SBF2: variants seen among roughly 807,000 people sequenced by gnomAD.
The protein encoded by SBF2 is SET binding factor 2, also known as myotubularin-related protein 13.
A neutral mutation model predicts 225.2 loss-of-function variants in SBF2; 112 were observed. That is an observed-to-expected ratio of 0.50 (90% confidence interval 0.43 to 0.58). The LOEUF (loss-of-function observed/expected upper bound fraction) is 0.58. SBF2 is among the 20% of genes least tolerant of loss of function. The probability of loss-of-function intolerance (pLI) is 0.00; values close to 1 mark genes in which losing one functional copy is unlikely to be tolerated. For missense variants in SBF2, 1,996 were observed against 2,206.2 expected (o/e 0.90, Z 1.91); for synonymous variants, 763 against 773.3 (o/e 0.99, Z 0.22).
intron 16 of SBF2, among the ~76,000 whole-genome samples, chr11:9,897,021 C>T (rs1490200548): frequency 6.6e-6 from 1 of 152,038 alleles, no homozygotes; most frequent in Non-Finnish European, 1.5e-5. Context: ...TGGGCATATA[C>T]CCAAAATAAT....
chr11:9,925,403 A>G (rs1590473728), intron 16 of SBF2, among the ~76,000 whole-genome samples: 1 of 152,114 alleles, frequency 6.6e-6, no homozygotes, highest in African/African-American at 2.4e-5. Flanking sequence ...TCAGCCTCCC[A>G]AGTAGCTGGG....
At chr11:9,791,005 C>T (rs1489838099) in intron 33 of SBF2, 1 of 202,838 alleles carries the variant, frequency 4.9e-6, no homozygotes, top group Non-Finnish European at 1.0e-5. Context: ...GCAGTCTACA[C>T]TTTTCAAGAG....
chr11:9,874,556 A>T (rs7929434), intron 17 of SBF2, among the ~76,000 whole-genome samples: 94,106 of 152,046 alleles, frequency 0.62, 29,366 homozygotes, highest in African/African-American at 0.68. Flanking sequence ...AAATTGTAGG[A>T]TGCCTCCATG....
intron 13 of SBF2, among the ~76,000 whole-genome samples, chr11:9,983,358 C>T: frequency 6.6e-6 from 1 of 152,104 alleles, no homozygotes; most frequent in Non-Finnish European, 1.5e-5. Context: ...GAGCCATAAT[C>T]TCCCTAGGTA....
At chr11:10,130,936 T>C (rs1046485351) in intron 2 of SBF2, among the ~76,000 whole-genome samples, 1 of 152,194 alleles carries the variant, frequency 6.6e-6, no homozygotes, top group Non-Finnish European at 1.5e-5. Context: ...TAATCACTCC[T>C]ACTATTGTAG....
At chr11:9,975,929 C>T (rs893493588) in intron 13 of SBF2, among the ~76,000 whole-genome samples, 6 of 152,038 alleles carry the variant, frequency 3.9e-5, no homozygotes, top group Admixed American at 6.6e-5. Flanking sequence ...ATGTAAAGGG[C>T]GTAGATTTTA....
At chr11:10,059,379 T>C (rs1366750627) in intron 2 of SBF2, among the ~76,000 whole-genome samples, 1 of 151,752 alleles carries the variant, frequency 6.6e-6, no homozygotes, top group Non-Finnish European at 1.5e-5. Flanking sequence ...ATAGAAAAAG[T>C]TTCAAACCAA....
rs1555006975 is a variant in SBF2 at position 10,063,858 on chromosome 11, C to CAG, written c.142-20879_142-20878dup. Among the ~76,000 whole-genome samples the CAG allele has an allele frequency of 1.3e-3, 179 of 136,218 alleles. 1 individual carries two copies. The highest frequency in any genetic ancestry group is 2.4e-3 in the East Asian group (11 of 4,524). 89.4% of individuals were successfully genotyped at this position (136,218 alleles called of 152,430 possible). A position where few individuals can be genotyped will look rare whatever the true frequency, so the allele number is the denominator to read the frequency against. ...ACACACACACACACACACACACACACAGAGAGAGAGAGAGAGAGAGAGAAA... is the reference window on the plus strand; with the variant it reads ...ACACACACACACACACACACACACACAGAGAGAGAGAGAGAGAGAGAGAGAAA... On this transcript the variant is annotated intron_variant, in intron 2 of 39. Coordinates refer to ENST00000256190, the MANE Select transcript of SBF2 (RefSeq NM_030962.4).
rs1958173085 is a variant in SBF2, at chr11:10,217,476, T to A, written c.56-23489A>T. On this transcript the variant is annotated intron_variant, in intron 1 of 39. Coordinates refer to ENST00000256190, the MANE Select transcript of SBF2 (RefSeq NM_030962.4). ...CAGTTACTAATGCTATATAACATGGTAGAAAATAAGTGGCAAATCTGTGAT... is the reference window on the plus strand; with the variant it reads ...CAGTTACTAATGCTATATAACATGGAAGAAAATAAGTGGCAAATCTGTGAT... Among the ~76,000 whole-genome samples, 3 of 152,312 alleles carry A rather than the reference T, an allele frequency of 2.0e-5. No individual in the cohort carries two copies. The South Asian group carries it at 6.2e-4, about 32-fold the overall frequency.
chr11:10,213,165 G>T (rs7930218), intron 1 of SBF2, among the ~76,000 whole-genome samples: 135,257 of 152,220 alleles, frequency 0.89, 60,239 homozygotes, highest in East Asian at 1. Context: ...AAGACAGCCA[G>T]TACAGTACTT....
chr11:10,154,396 A>G (rs1591081437), intron 2 of SBF2, among the ~76,000 whole-genome samples: 1 of 151,966 alleles, frequency 6.6e-6, no homozygotes, highest in South Asian at 2.1e-4. Flanking sequence ...TCTGGCCTAT[A>G]TTTTAGTTCA....
intron 3 of SBF2, among the ~76,000 whole-genome samples, chr11:10,034,397 G>A (rs907424840): frequency 2.0e-5 from 3 of 152,168 alleles, no homozygotes; most frequent in African/African-American, 7.2e-5. Context: ...GAGACAAAAA[G>A]TACTAGATTG....
At chr11:10,062,767 G>C (rs1950495170) in intron 2 of SBF2, among the ~76,000 whole-genome samples, 1 of 152,134 alleles carries the variant, frequency 6.6e-6, no homozygotes, top group Non-Finnish European at 1.5e-5. Context: ...AACCATTTTG[G>C]AAAGCAGTAC....
intron 28 of SBF2, among the ~76,000 whole-genome samples, chr11:9,819,697 C>G (rs937535613): frequency 3.3e-5 from 5 of 152,100 alleles, no homozygotes; most frequent in Non-Finnish European, 7.4e-5. Flanking sequence ...ATACATTGGT[C>G]CTCATATTGA....
At chr11:10,243,509 T>A (rs554107723) in intron 1 of SBF2, among the ~76,000 whole-genome samples, 12 of 150,002 alleles carry the variant, frequency 8.0e-5, no homozygotes, top group Non-Finnish European at 1.6e-4. Flanking sequence ...AGAAAAAAAA[T>A]TTTTTAATGA....
chr11:10,211,382 C>A (rs375504404), intron 1 of SBF2, among the ~76,000 whole-genome samples: 6 of 152,154 alleles, frequency 3.9e-5, no homozygotes, highest in African/African-American at 1.4e-4. Context: ...CCCAGAGAGA[C>A]CCACCAGTTA....
At chr11:9,819,476 C>T (rs1854631843) in intron 28 of SBF2, 2 of 151,424 alleles carry the variant, frequency 1.3e-5, no homozygotes, top group African/African-American at 4.9e-5. Flanking sequence ...TGCACAGTCA[C>T]AAAAAAAAGA....
intron 1 of SBF2, among the ~76,000 whole-genome samples, chr11:10,214,134 A>G (rs776059412): frequency 2.9e-4 from 44 of 152,058 alleles, no homozygotes; most frequent in Admixed American, 1.6e-3. Context: ...GGGCCAGGTA[A>G]CTCTTTGTTG....
chr11:10,123,571 G>C (rs1953585135), intron 2 of SBF2, among the ~76,000 whole-genome samples: 1 of 151,732 alleles, frequency 6.6e-6, no homozygotes, highest in Admixed American at 6.6e-5. Flanking sequence ...AAAAAAGAGA[G>C]AGAAATCTAC....
Sources: gnomAD v4.1 joint callset for allele counts (sites outside exome capture counted in the v4.1 genomes callset) on GRCh38, gnomAD v4.1.1 for gene constraint, MANE v1.5 for transcripts, NCBI Gene and HGNC (gene_info 2026-07-23, HGNC 2026-07-21) for gene names.